Variants in CRIM1 observed in about 807,000 individuals in gnomAD.
CRIM1 encodes cysteine-rich motor neuron 1 protein.
Under a neutral mutation model 116.4 loss-of-function variants are expected in CRIM1, and 32 were observed. The observed-to-expected ratio is 0.27, with a 90% confidence interval of 0.21 to 0.37. CRIM1 has a LOEUF of 0.37. Ranked by LOEUF, CRIM1 falls within the 10% of genes least tolerant of loss-of-function variation. The probability of loss-of-function intolerance (pLI) is 1.00; values close to 1 mark genes in which losing one functional copy is unlikely to be tolerated. For missense variants in CRIM1, 1,331 were observed against 1,354.8 expected (o/e 0.98, Z 0.28); for synonymous variants, 590 against 509.2 (o/e 1.16, Z -2.13).
chr2:36,364,407 T>C (rs1309247506), intron 1 of CRIM1, among the ~76,000 whole-genome samples: 1 of 152,248 alleles, frequency 6.6e-6, no homozygotes, highest in African/African-American at 2.4e-5. Context: ...CAGGCCATGA[T>C]CTGATGGTAA....
intron 1 of CRIM1, among the ~76,000 whole-genome samples, chr2:36,387,605 C>T (rs1399626265): frequency 1.3e-5 from 2 of 152,118 alleles, no homozygotes; most frequent in East Asian, 1.9e-4. Context: ...CAAAGTGCAG[C>T]TAGGAAAACA....
rs190696942 is a variant in CRIM1 at position 36,422,153 on chromosome 2, A to G, written c.506-19105A>G. 2.1e-3 allele frequency among the ~76,000 whole-genome samples: 312 copies of G among 151,292 alleles called. 1 individual carries two copies. Among genetic ancestry groups the G allele is most frequent in the African/African-American group, 7.0e-3 (288 of 41,224 alleles). ...CTTCCTTAGGTGACTTTGAAGAACA[A>G]TTTTATTGATGTGAATTTATAAGTC... On this transcript the variant is annotated intron_variant, in intron 2 of 16. Transcript: ENST00000280527.
rs989625987 is a variant in CRIM1, at chr2:36,549,735, G to C, written c.*1034G>C. The C allele has an allele frequency of 6.6e-6, 1 of 152,028 alleles. No individual in the cohort carries two copies. The highest frequency in any genetic ancestry group is 1.5e-5 in the Non-Finnish European group (1 of 67,926). 9.4% of individuals were successfully genotyped at this position (152,028 alleles called of 1,614,324 possible). ...ATATTATTCAAGCACCTTTGTTGAA[G>C]CTCAAAAAAAATGATGCCTCTTTAA... On this transcript the variant is annotated 3_prime_UTR_variant, in exon 17 of 17. Coordinates refer to ENST00000280527, the MANE Select transcript of CRIM1 (RefSeq NM_016441.3).
chr2:36,550,564 A>T lies in CRIM1; in HGVS notation c.*1863A>T, dbSNP rs967907329. 1 of 152,508 alleles carries T rather than the reference A, an allele frequency of 6.6e-6. No individual in the cohort carries two copies. 9.4% of individuals were successfully genotyped at this position (152,508 alleles called of 1,614,324 possible). On this transcript the variant is annotated 3_prime_UTR_variant, in exon 17 of 17. Coordinates refer to ENST00000280527, the MANE Select transcript of CRIM1 (RefSeq NM_016441.3). ...TTAAAAAAAATTAATTTATTATTAT[A>T]ATGACCTAATTTATTAATCTGAAGA...
chr2:36,377,119 A>G (rs1215026318), intron 1 of CRIM1, among the ~76,000 whole-genome samples: 5 of 152,170 alleles, frequency 3.3e-5, no homozygotes, highest in African/African-American at 7.2e-5. Flanking sequence ...CCCTGCACAC[A>G]GGTGTTTTCT....
chr2:36,447,736 C>G (rs1676361245), intron 4 of CRIM1, among the ~76,000 whole-genome samples: 1 of 152,172 alleles, frequency 6.6e-6, no homozygotes, highest in Non-Finnish European at 1.5e-5. Flanking sequence ...ATGAGATAAG[C>G]CACAAAGAAT....
intron 11 of CRIM1, among the ~76,000 whole-genome samples, chr2:36,516,455 C>A (rs972437412): frequency 6.6e-6 from 1 of 152,174 alleles, no homozygotes; most frequent in Admixed American, 6.5e-5. Flanking sequence ...AACTCCCAGC[C>A]CCTCTTCAGA....
chr2:36,385,769 C>G (rs1671125490), intron 1 of CRIM1, among the ~76,000 whole-genome samples: 1 of 152,150 alleles, frequency 6.6e-6, no homozygotes, highest in Non-Finnish European at 1.5e-5. Flanking sequence ...CTCCTCATGT[C>G]CCCTGCTGGG....
At position 36,519,988 on chromosome 2, in the gene CRIM1, G is replaced by A. The variant is rs144309647; in HGVS notation, c.2207-2104G>A. ...GTAAAGATCAAATAAAGGAGTAAACGTTTGGAAACAGAAGTGTAAAGAAAA... is the reference window on the plus strand; with the variant it reads ...GTAAAGATCAAATAAAGGAGTAAACATTTGGAAACAGAAGTGTAAAGAAAA... On this transcript the variant is annotated intron_variant, in intron 12 of 16. Coordinates refer to ENST00000280527, the MANE Select transcript of CRIM1 (RefSeq NM_016441.3). 1.5e-3 allele frequency among the ~76,000 whole-genome samples: 222 copies of A among 152,224 alleles called. 1 individual carries two copies. Among genetic ancestry groups the A allele is most frequent in the African/African-American group, 4.8e-3 (200 of 41,528 alleles).
intron 1 of CRIM1, among the ~76,000 whole-genome samples, chr2:36,357,991 A>G (rs1246790602): frequency 6.6e-6 from 1 of 152,144 alleles, no homozygotes; most frequent in African/African-American, 2.4e-5. Context: ...TTTATACCTG[A>G]ATAGTTTGGG....
Position 36,487,978 on chromosome 2 carries a change from AGG to A in CRIM1, c.1372+8285_1372+8286del, listed in dbSNP as rs1679956594. Among the ~76,000 whole-genome samples the A allele has an allele frequency of 7.2e-5, 11 of 152,332 alleles. No homozygotes were observed. The South Asian group carries it at 2.3e-3, about 32-fold the overall frequency. ...TTTGCCTACAGAAACAGGTCAAAAT[AGG>A]TTGCGATTCTAATATAATTTATTTT... On this transcript the variant is annotated intron_variant, in intron 7 of 16. Coordinates refer to ENST00000280527, the MANE Select transcript of CRIM1 (RefSeq NM_016441.3).
Position 36,510,262 on chromosome 2 carries a change from A to C in CRIM1, c.1658+123A>C, listed in dbSNP as rs1052297154. On this transcript the variant is annotated intron_variant, in intron 9 of 16. Transcript: ENST00000280527. ...GGTATATTGAGCCCAGAATGTCTAT[A>C]CTTGTTTTGTTAGGTGATTCAGAAA... 5 of 887,786 alleles carry C rather than the reference A, an allele frequency of 5.6e-6. No individual in the cohort carries two copies. In the African/African-American group the frequency reaches 6.8e-5, roughly 12 times the overall value. The allele number at this position is 887,786 out of a possible 1,614,324, so 55.0% of individuals were successfully genotyped here. A position where few individuals can be genotyped will look rare whatever the true frequency, so the allele number is the denominator to read the frequency against.
intron 1 of CRIM1, among the ~76,000 whole-genome samples, chr2:36,372,186 C>G (rs1182264851): frequency 1.3e-5 from 2 of 152,080 alleles, no homozygotes; most frequent in African/African-American, 4.8e-5. Context: ...AAGTGTGTGA[C>G]TGGGAATAAT....
chr2:36,532,610 CTGAT>C lies in CRIM1; in HGVS notation c.2429-4737_2429-4734del, dbSNP rs542296793. On this transcript the variant is annotated intron_variant, in intron 13 of 16. Transcript: ENST00000280527. Reference sequence around the variant, plus strand: ...GAAGTAACAGCTTGTTTGTGTGGCACTGATTGATCCTTGTCCGGGCAAGTGGTCC... The same window carrying C: ...GAAGTAACAGCTTGTTTGTGTGGCACTGATCCTTGTCCGGGCAAGTGGTCC... Among the ~76,000 whole-genome samples, 338 of 152,336 alleles carry C rather than the reference CTGAT, an allele frequency of 2.2e-3. 4 individuals carry two copies. The highest frequency in any genetic ancestry group is 1.8e-3 in the Non-Finnish European group (122 of 68,034).
chr2:36,469,535 T>C (rs1315053445), intron 5 of CRIM1, among the ~76,000 whole-genome samples: 1 of 152,108 alleles, frequency 6.6e-6, no homozygotes, highest in African/African-American at 2.4e-5. Context: ...GAATTTTCTC[T>C]AAGACAGTAA....
intron 2 of CRIM1, among the ~76,000 whole-genome samples, chr2:36,407,251 G>A (rs150693955): frequency 9.2e-4 from 140 of 152,030 alleles, no homozygotes; most frequent in African/African-American, 3.0e-3. Flanking sequence ...ATACATATTC[G>A]TGTGTATGTA....
chr2:36,441,605 C>T (rs1048313357), intron 3 of CRIM1, 105 bp downstream of exon 3: 321 of 1,410,090 alleles, frequency 2.3e-4, no homozygotes, highest in East Asian at 1.3e-3. Context: ...GATGGGCCTT[C>T]TCACCGGTGT....
intron 14 of CRIM1, among the ~76,000 whole-genome samples, chr2:36,538,059 G>T (rs1465926685): frequency 6.6e-6 from 1 of 152,122 alleles, no homozygotes; most frequent in East Asian, 1.9e-4. Flanking sequence ...GCCCTCAGCT[G>T]AACTGCCCAT....
intron 4 of CRIM1, among the ~76,000 whole-genome samples, chr2:36,444,760 C>T (rs1366165089): frequency 2.0e-5 from 3 of 152,200 alleles, no homozygotes; most frequent in African/African-American, 7.2e-5. Context: ...TGAACAGGGT[C>T]TCCTCCTCCA....
Sources: gnomAD v4.1 joint callset for allele counts (sites outside exome capture counted in the v4.1 genomes callset) on GRCh38, gnomAD v4.1.1 for gene constraint, MANE v1.5 for transcripts, NCBI Gene and HGNC (gene_info 2026-07-23, HGNC 2026-07-21) for gene names.